The following ROBO2 variants were observed in gnomAD, a reference collection of about 807,000 sequenced individuals.
The protein encoded by ROBO2 is roundabout guidance receptor 2.
In ROBO2, 53 loss-of-function variants were observed where a neutral mutation model predicts 160.8. The observed-to-expected ratio is 0.33, with a 90% confidence interval of 0.26 to 0.41. The LOEUF (loss-of-function observed/expected upper bound fraction) is 0.41. Ranked by LOEUF, ROBO2 falls within the 10% of genes least tolerant of loss-of-function variation. The pLI, the probability that ROBO2 is intolerant of heterozygous loss-of-function variation, is 1.00. For missense variants in ROBO2, 1,577 were observed against 1,722.4 expected, an observed-to-expected ratio of 0.92 and a Z score of 1.49; for synonymous variants, 664 against 611.7, an observed-to-expected ratio of 1.09 and a Z score of -1.26.
At chr3:76,934,063 T>TTAGA (rs1376490910) in intron 2 of ROBO2, among the ~76,000 whole-genome samples, 4 of 152,166 alleles carry the variant, frequency 2.6e-5, no homozygotes, top group Non-Finnish European at 5.9e-5. Flanking sequence ...TCTAAAAGCT[T>TTAGA]TTGCTGTACT....
At chr3:77,404,001 C>T (rs902246800) in intron 2 of ROBO2, among the ~76,000 whole-genome samples, 9 of 151,868 alleles carry the variant, frequency 5.9e-5, no homozygotes, top group African/African-American at 2.2e-4. Context: ...AACACTAGCA[C>T]CAGCATCCAG....
intron 2 of ROBO2, among the ~76,000 whole-genome samples, chr3:77,004,571 G>A (rs373076061): frequency 1.3e-5 from 2 of 152,206 alleles, no homozygotes; most frequent in African/African-American, 2.4e-5. Flanking sequence ...TAAACCAAAT[G>A]TCTAAATTTA....
chr3:76,014,300 G>A (rs113319855), intron 2 of ROBO2, among the ~76,000 whole-genome samples: 2,407 of 136,304 alleles, frequency 0.018, 68 homozygotes, highest in African/African-American at 0.058. Flanking sequence ...GGCTGGGCAC[G>A]GTGGCTTATG....
At chr3:77,512,742 G>C (rs1390189771) in intron 5 of ROBO2, among the ~76,000 whole-genome samples, 1 of 151,886 alleles carries the variant, frequency 6.6e-6, no homozygotes, top group Non-Finnish European at 1.5e-5. Flanking sequence ...GAGTCTGAAA[G>C]GTATAGGTTG....
chr3:76,185,405 T>A (rs1446528728), intron 2 of ROBO2, among the ~76,000 whole-genome samples: 1 of 151,872 alleles, frequency 6.6e-6, no homozygotes, highest in African/African-American at 2.4e-5. Flanking sequence ...ATAGCATTAT[T>A]TACAGTGATG....
At chr3:77,064,020 T>A (rs186061842) in intron 1 of ROBO2, among the ~76,000 whole-genome samples, 1 of 152,336 alleles carries the variant, frequency 6.6e-6, no homozygotes, top group Non-Finnish European at 1.5e-5. Context: ...AGGGTAAATC[T>A]ATTTTCTTCA....
intron 1 of ROBO2, among the ~76,000 whole-genome samples, chr3:77,070,985 C>T (rs1046650474): frequency 4.0e-5 from 6 of 151,862 alleles, no homozygotes; most frequent in Non-Finnish European, 7.4e-5. Context: ...TCTTACAGAC[C>T]GGGGAAAAGT....
At chr3:77,271,133 AAT>A (rs60891773) in intron 2 of ROBO2, among the ~76,000 whole-genome samples, 3,460 of 152,182 alleles carry the variant, frequency 0.023, 128 homozygotes, top group African/African-American at 0.078. Flanking sequence ...TCTTCTATGT[AAT>A]ATATACAATA....
Position 76,112,267 on chromosome 3 carries a change from A to AT in ROBO2, c.109+174672dup, listed in dbSNP as rs1280717752. Among the ~76,000 whole-genome samples the AT allele has an allele frequency of 4.0e-5, 6 of 151,762 alleles. No homozygotes were observed. The South Asian group carries it at 8.3e-4, about 21-fold the overall frequency. ...ATTCTATATCTTGAACTCCAAAGTG[A>AT]TTTTTTTCTATTTGATTTAGGAGTT... On this transcript the variant is annotated intron_variant, in intron 2 of 26. Transcript: ENST00000487694.
chr3:76,730,212 C>A (rs1417953495), intron 2 of ROBO2, among the ~76,000 whole-genome samples: 10 of 88,560 alleles, frequency 1.1e-4, no homozygotes, highest in Admixed American at 1.1e-3. Context: ...GTCCTCACCT[C>A]CTACTCCCTA....
rs563231761 is a variant in ROBO2 at position 76,486,059 on chromosome 3, G to A, written c.109+548457G>A. On this transcript the variant is annotated intron_variant, in intron 2 of 26. Transcript: ENST00000487694. Reference sequence around the variant, plus strand: ...GCAAGCCATCTTCACCTCCATCTCCGGTCCAGTAATTATAAGATTGTAAAG... The same window carrying A: ...GCAAGCCATCTTCACCTCCATCTCCAGTCCAGTAATTATAAGATTGTAAAG... 1.1e-3 allele frequency among the ~76,000 whole-genome samples: 163 copies of A among 152,216 alleles called. 1 individual carries two copies. Among genetic ancestry groups the A allele is most frequent in the African/African-American group, 3.8e-3 (156 of 41,552 alleles).
intron 2 of ROBO2, among the ~76,000 whole-genome samples, chr3:76,590,841 T>G (rs2086370185): frequency 6.6e-6 from 1 of 152,152 alleles, no homozygotes; most frequent in African/African-American, 2.4e-5. Flanking sequence ...GAAATATAGC[T>G]TATTAAATTA....
chr3:76,619,828 G>A (rs11127553), intron 2 of ROBO2, among the ~76,000 whole-genome samples: 58,476 of 151,996 alleles, frequency 0.38, 11,416 homozygotes, highest in South Asian at 0.5. Context: ...TGAGCTTTCA[G>A]TGGCTATTTA....
chr3:76,580,704 T>C (rs898995207), intron 2 of ROBO2, among the ~76,000 whole-genome samples: 1 of 152,188 alleles, frequency 6.6e-6, no homozygotes, highest in African/African-American at 2.4e-5. Flanking sequence ...GTTCAACGTT[T>C]TAAACCTAGG....
intron 2 of ROBO2, among the ~76,000 whole-genome samples, chr3:76,177,258 T>C (rs936756790): frequency 6.6e-6 from 1 of 152,178 alleles, no homozygotes; most frequent in African/African-American, 2.4e-5. Context: ...TATCTTAAAT[T>C]GGGTATAATA....
At chr3:76,207,423 A>T (rs1702881784) in intron 2 of ROBO2, among the ~76,000 whole-genome samples, 1 of 152,154 alleles carries the variant, frequency 6.6e-6, no homozygotes, top group African/African-American at 2.4e-5. Context: ...TATGATGTTA[A>T]TTTTAGTATT....
At chr3:77,139,667 G>A (rs767978921) in intron 2 of ROBO2, among the ~76,000 whole-genome samples, 32 of 152,156 alleles carry the variant, frequency 2.1e-4, no homozygotes, top group Non-Finnish European at 3.8e-4. Context: ...GAGTATGTTG[G>A]TATTATTACC....
intron 1 of ROBO2, among the ~76,000 whole-genome samples, chr3:77,041,154 C>T (rs2064053263): frequency 6.6e-6 from 1 of 152,188 alleles, no homozygotes; most frequent in African/African-American, 2.4e-5. Context: ...TACAGTCAAT[C>T]TCCTGCAAGA....
At chr3:76,248,975 T>G (rs745840209) in intron 2 of ROBO2, among the ~76,000 whole-genome samples, 5 of 152,138 alleles carry the variant, frequency 3.3e-5, no homozygotes, top group Admixed American at 6.6e-5. Context: ...CATGATTGAC[T>G]GATTTTCTAA....
Sources: allele counts gnomAD v4.1 joint callset (sites outside exome capture counted in the v4.1 genomes callset), GRCh38; gene constraint gnomAD v4.1.1; transcripts MANE v1.5; gene names NCBI Gene and HGNC (gene_info 2026-07-23, HGNC 2026-07-21).